Variants in EMSY observed in about 807,000 individuals in gnomAD.
EMSY encodes the protein BRCA2-interacting transcriptional repressor EMSY.
Under a neutral mutation model 134.6 loss-of-function variants are expected in EMSY, and 26 were observed. The ratio of observed to expected loss-of-function variants is 0.19; its 90% CI spans 0.14 to 0.27. The LOEUF (loss-of-function observed/expected upper bound fraction) is 0.27. Ranked by LOEUF, EMSY falls within the 10% of genes least tolerant of loss-of-function variation. The probability of loss-of-function intolerance (pLI) is 1.00; values close to 1 mark genes in which losing one functional copy is unlikely to be tolerated. For missense variants in EMSY, 1,305 were observed against 1,611.4 expected (o/e 0.81, Z 3.26); for synonymous variants, 579 against 577.8 (o/e 1.00, Z -0.03).
chr11:76,507,221 G>C (rs1388715803), intron 9 of EMSY, among the ~76,000 whole-genome samples: 1 of 152,176 alleles, frequency 6.6e-6, no homozygotes, highest in Non-Finnish European at 1.5e-5. Context: ...TCTTTTTGCT[G>C]GTGGAGGGTC....
chr11:76,475,526 A>G (rs1948739550), intron 8 of EMSY, among the ~76,000 whole-genome samples: 1 of 152,212 alleles, frequency 6.6e-6, no homozygotes, highest in African/African-American at 2.4e-5. Flanking sequence ...TGGATGTGAC[A>G]TCTCAGAGAT....
At chr11:76,497,462 A>G (rs974114699) in intron 9 of EMSY, among the ~76,000 whole-genome samples, 9 of 152,170 alleles carry the variant, frequency 5.9e-5, no homozygotes, top group African/African-American at 9.6e-5. Flanking sequence ...GAATTCTCCA[A>G]TGAAGCCATC....
intron 9 of EMSY, among the ~76,000 whole-genome samples, chr11:76,503,671 G>A (rs1183931959): frequency 6.6e-6 from 1 of 152,074 alleles, no homozygotes; most frequent in African/African-American, 2.4e-5. Flanking sequence ...AAAAAACTTA[G>A]GGTAAATCTC....
intron 20 of EMSY, chr11:76,547,107 GGTT>G (rs1161910026): frequency 2.2e-6 from 1 of 452,402 alleles, no homozygotes; most frequent in African/African-American, 2.0e-5. Flanking sequence ...CAAGGTATCA[GGTT>G]GTTTTCTTGA....
At chr11:76,529,283 C>T (rs1950950513) in intron 14 of EMSY, among the ~76,000 whole-genome samples, 1 of 152,162 alleles carries the variant, frequency 6.6e-6, no homozygotes, top group African/African-American at 2.4e-5. Flanking sequence ...TTTCCACACT[C>T]TCTCCATTCC....
In EMSY at chr11:76,551,416, A is replaced by G. The variant is rs1013339580; in HGVS notation, c.*1270A>G. 2.6e-5 allele frequency: 4 copies of G among 152,912 alleles called. No individual in the cohort carries two copies. The East Asian group carries it at 7.5e-4, about 29-fold the overall frequency. 9.5% of individuals were successfully genotyped at this position (152,912 alleles called of 1,614,324 possible). On this transcript the variant is annotated 3_prime_UTR_variant, in exon 21 of 21. Transcript: ENST00000334736. ...TTGAACTGTACATACATTTATCAGC[A>G]TAACTGCCCAGTTTTTTTGGTGCTG...
rs763560873 is a variant in EMSY at position 76,542,377 on chromosome 11, C to T, written c.2709+10C>T. On this transcript the variant is annotated intron_variant, in intron 18 of 20. Coordinates refer to ENST00000334736, the Ensembl canonical transcript of EMSY. ...CCACATTATGCAGCAGGTTGTATCTCTTCTTTTTCTTCCTATCTTCTGCAA... is the reference window on the plus strand; with the variant it reads ...CCACATTATGCAGCAGGTTGTATCTTTTCTTTTTCTTCCTATCTTCTGCAA... 6 of 1,612,238 alleles carry T rather than the reference C, an allele frequency of 3.7e-6. No individual in the cohort carries two copies. The East Asian group carries it at 1.1e-4, about 30-fold the overall frequency.
At chr11:76,523,929 A>G (rs2136296561) in intron 12 of EMSY, among the ~76,000 whole-genome samples, 1 of 152,070 alleles carries the variant, frequency 6.6e-6, no homozygotes, top group Middle Eastern at 3.4e-3. Context: ...ATGCACCTGT[A>G]GTCCCAGTTA....
chr11:76,516,811 T>C (rs970352960), intron 11 of EMSY: 5 of 152,216 alleles, frequency 3.3e-5, no homozygotes, highest in Non-Finnish European at 5.9e-5. Context: ...GTCACTTTAG[T>C]TTATTAAAAA....
At chr11:76,508,615 A>G (rs577722885) in intron 9 of EMSY, among the ~76,000 whole-genome samples, 1 of 152,326 alleles carries the variant, frequency 6.6e-6, no homozygotes, top group African/African-American at 2.4e-5. Flanking sequence ...TTCTTTATCT[A>G]TGAAAGTCCT....
exon 19 of EMSY, chr11:76,544,807 A>G: frequency 6.2e-7 from 1 of 1,614,166 alleles, no homozygotes; most frequent in Non-Finnish European, 8.5e-7. Flanking sequence ...CTTCAGAGAA[A>G]CAGACGGCAA....
rs1432054041 is a variant in EMSY at position 76,516,302 on chromosome 11, T to C, written c.1674T>C (p.Asn558=). 1.9e-6 allele frequency: 3 copies of C among 1,608,856 alleles called. No homozygotes were observed. The Admixed American group carries it at 5.0e-5, about 27-fold the overall frequency. Reference sequence around the variant, plus strand: ...TGGGGGGCAAGATAATTAGCAGTAATATAGTTTCTGGTAGGTATATCTGAA... The same window carrying C: ...TGGGGGGCAAGATAATTAGCAGTAACATAGTTTCTGGTAGGTATATCTGAA... The change falls in exon 11 of 21, where the codon AAT becomes AAC. Residue 558 remains asparagine (N), a synonymous_variant. Transcript: ENST00000334736.
intron 8 of EMSY, among the ~76,000 whole-genome samples, chr11:76,473,553 C>T (rs1948658335): frequency 3.3e-5 from 5 of 152,084 alleles, no homozygotes; most frequent in East Asian, 2.0e-4. Flanking sequence ...AGACAATCCA[C>T]CCGCCTCAGC....
At position 76,522,352 on chromosome 11, in the gene EMSY, C is replaced by CTTTTTTTTTTTTTT. The variant is rs71040003; in HGVS notation, c.1685-786_1685-773dup. On this transcript the variant is annotated intron_variant, in intron 11 of 20. Transcript: ENST00000334736. Reference sequence around the variant, plus strand: ...CTTGTTTTGTATATCGTTTACTTTGCTTTTTTTTTTTTTTTTTTTTTTTTT... The same window carrying CTTTTTTTTTTTTTT: ...CTTGTTTTGTATATCGTTTACTTTGCTTTTTTTTTTTTTTTTTTTTTTTTTTTTTTTTTTTTTTT... Among the ~76,000 whole-genome samples, 8 of 44,246 alleles carry CTTTTTTTTTTTTTT rather than the reference C, an allele frequency of 1.8e-4. 1 individual carries two copies. The highest frequency in any genetic ancestry group is 2.8e-4 in the African/African-American group (3 of 10,634). 29.0% of individuals were successfully genotyped at this position (44,246 alleles called of 152,430 possible).
intron 8 of EMSY, among the ~76,000 whole-genome samples, chr11:76,481,339 G>A (rs780509443): frequency 1.1e-4 from 17 of 152,070 alleles, no homozygotes; most frequent in Non-Finnish European, 2.1e-4. Context: ...CACCACGCCC[G>A]GCCAGGAGTT....
intron 5 of EMSY, chr11:76,458,835 A>G (rs1947985397): frequency 6.6e-6 from 1 of 152,576 alleles, no homozygotes; most frequent in Admixed American, 6.5e-5. Context: ...ATCATTATTT[A>G]TCTAGTAATT....
At chr11:76,463,704 A>G (rs1177663791) in intron 6 of EMSY, 117 bp from the exon 8 acceptor site, 14 of 1,119,680 alleles carry the variant, frequency 1.3e-5, no homozygotes, top group Non-Finnish European at 1.6e-5. Context: ...GATAGAACTT[A>G]TTGGCTAATG....
chr11:76,542,403 C>T (rs2136693699), intron 18 of EMSY, 36 bp downstream of exon 19: 1 of 1,593,336 alleles, frequency 6.3e-7, no homozygotes, highest in Non-Finnish European at 8.6e-7. Context: ...TCTTCTGCAA[C>T]TGCCCATGCT....
At chr11:76,506,742 C>T (rs1365512738) in intron 9 of EMSY, among the ~76,000 whole-genome samples, 1 of 152,150 alleles carries the variant, frequency 6.6e-6, no homozygotes, top group Non-Finnish European at 1.5e-5. Context: ...TGTGAGGAAG[C>T]TGGGACTCGT....
Sources: gnomAD v4.1 joint callset for allele counts (sites outside exome capture counted in the v4.1 genomes callset) on GRCh38, gnomAD v4.1.1 for gene constraint, MANE v1.5 for transcripts, NCBI Gene and HGNC (gene_info 2026-07-23, HGNC 2026-07-21) for gene names.